The following KIAA1217 variants were observed in gnomAD, a reference collection of about 807,000 sequenced individuals.
KIAA1217 encodes KIAA1217.
Under a neutral mutation model 163.9 loss-of-function variants are expected in KIAA1217, and 88 were observed. The observed-to-expected ratio is 0.54, with a 90% CI of 0.45 to 0.64. KIAA1217 has a LOEUF of 0.64. KIAA1217 is among the 30% of genes least tolerant of loss of function. The pLI is 0.00. For synonymous variants in KIAA1217, 903 were observed against 923.1 expected (o/e 0.98, Z 0.39); for missense variants, 2,372 against 2,475.0 (o/e 0.96, Z 0.88).
chr10:23,837,667 A>T lies in KIAA1217; in HGVS notation c.-321+142433A>T, dbSNP rs186309127. Among the ~76,000 whole-genome samples, 31 of 152,166 alleles carry T rather than the reference A, an allele frequency of 2.0e-4. 1 individual carries two copies. The highest frequency in any genetic ancestry group is 5.3e-4 in the African/African-American group (22 of 41,544). On this transcript the variant is annotated intron_variant, in intron 1 of 18. Coordinates refer to the KIAA1217 transcript ENST00000376462. The stretch of plus-strand genomic sequence containing the variant: ...TCCCATCTCAGCCTCTCCAGTAGCT[A>T]GAACTACAGGCATGTGCCACTATGC...
chr10:24,122,330 T>C (rs891326678), intron 2 of KIAA1217, among the ~76,000 whole-genome samples: 2 of 152,188 alleles, frequency 1.3e-5, no homozygotes, highest in Non-Finnish European at 2.9e-5. Context: ...CATGCTTTCA[T>C]TCTTTTTTAT....
intron 1 of KIAA1217, among the ~76,000 whole-genome samples, chr10:23,922,653 A>C (rs2131294933): frequency 6.6e-6 from 1 of 152,306 alleles, no homozygotes; most frequent in South Asian, 2.1e-4. Context: ...TGGAAAATCC[A>C]CACATTTGGT....
At chr10:23,939,403 G>C (rs1288136336) in intron 1 of KIAA1217, among the ~76,000 whole-genome samples, 1 of 151,998 alleles carries the variant, frequency 6.6e-6, no homozygotes, top group Non-Finnish European at 1.5e-5. Context: ...TAAAAAGATA[G>C]AAAAAGGTCT....
intron 2 of KIAA1217, among the ~76,000 whole-genome samples, chr10:24,062,157 C>G (rs2131603603): frequency 6.6e-6 from 1 of 151,846 alleles, no homozygotes; most frequent in African/African-American, 2.4e-5. Context: ...TATTATTATA[C>G]TTTAAGCTTT....
At chr10:23,973,228 G>GA (rs1285026952) in intron 1 of KIAA1217, among the ~76,000 whole-genome samples, 2 of 151,942 alleles carry the variant, frequency 1.3e-5, no homozygotes, top group African/African-American at 2.4e-5. Context: ...GTTTAGGAGG[G>GA]AAAAAAATAG....
At chr10:23,975,405 G>A (rs7915067) in intron 1 of KIAA1217, among the ~76,000 whole-genome samples, 31,158 of 152,206 alleles carry the variant, frequency 0.2, 3,498 homozygotes, top group Middle Eastern at 0.3. Context: ...CCCAGCAGGA[G>A]CTTCTTCCAA....
At chr10:23,957,165 G>A (rs1353504770) in intron 1 of KIAA1217, among the ~76,000 whole-genome samples, 1 of 152,052 alleles carries the variant, frequency 6.6e-6, no homozygotes, top group Admixed American at 6.6e-5. Flanking sequence ...GCAGAACAAC[G>A]GAATCCACCT....
intron 1 of KIAA1217, among the ~76,000 whole-genome samples, chr10:23,758,623 A>G (rs376603235): frequency 1.4e-5 from 1 of 73,056 alleles, no homozygotes; most frequent in Admixed American, 1.5e-4. Flanking sequence ...TTTCTTTCTT[A>G]CTTTCTCTCT....
intron 6 of KIAA1217, among the ~76,000 whole-genome samples, chr10:24,484,338 G>A (rs1473981898): frequency 4.2e-5 from 6 of 142,158 alleles, no homozygotes; most frequent in South Asian, 2.3e-4. Context: ...TCCGCCTCCC[G>A]GGTTCAAACA....
intron 1 of KIAA1217, among the ~76,000 whole-genome samples, chr10:23,813,322 C>A (rs1009595583): frequency 6.6e-6 from 1 of 151,840 alleles, no homozygotes; most frequent in Non-Finnish European, 1.5e-5. Flanking sequence ...ATATAAAATT[C>A]TCTTATAAGG....
intron 2 of KIAA1217, among the ~76,000 whole-genome samples, chr10:24,009,381 A>AT (rs369494772): frequency 1.7e-4 from 25 of 148,654 alleles, no homozygotes; most frequent in East Asian, 1.2e-3. Flanking sequence ...ATCGACAGGG[A>AT]TTTTTTTTTT....
intron 3 of KIAA1217, among the ~76,000 whole-genome samples, chr10:24,424,760 G>A (rs1461023350): frequency 6.6e-6 from 1 of 152,086 alleles, no homozygotes; most frequent in Non-Finnish European, 1.5e-5. Context: ...ATGCCACCAT[G>A]CCCAGCTAAT....
At chr10:23,947,797 A>G (rs1844123743) in intron 1 of KIAA1217, among the ~76,000 whole-genome samples, 2 of 152,176 alleles carry the variant, frequency 1.3e-5, no homozygotes, top group African/African-American at 2.4e-5. Flanking sequence ...CAGACAGTAA[A>G]CAAGGTAAGT....
Position 24,436,534 on chromosome 10 carries a change from G to A in KIAA1217, c.753-1852G>A, listed in dbSNP as rs540913230. Among the ~76,000 whole-genome samples, 17 of 151,440 alleles carry A rather than the reference G, an allele frequency of 1.1e-4. 2 individuals are homozygous for A. Among genetic ancestry groups the A allele is most frequent in the Admixed American group, 2.6e-4 (4 of 15,246 alleles). ...AGCACTTTGGGAGGCCAAGGTGGGC[G>A]GATCACGAGGTCAGGAGATCGAGAC... On this transcript the variant is annotated intron_variant, in intron 4 of 20. Coordinates refer to ENST00000376454, the MANE Select transcript of KIAA1217 (RefSeq NM_019590.5).
chr10:24,176,857 C>T (rs1007033709), intron 2 of KIAA1217, among the ~76,000 whole-genome samples: 9 of 152,052 alleles, frequency 5.9e-5, no homozygotes, highest in South Asian at 2.1e-4. Context: ...CTGCAGGTCC[C>T]GAGCCCTGCC....
chr10:24,231,416 A>G (rs558571044), intron 2 of KIAA1217, among the ~76,000 whole-genome samples: 1 of 152,380 alleles, frequency 6.6e-6, no homozygotes, highest in South Asian at 2.1e-4. Context: ...CAAGCACTGC[A>G]CGTGAAAGGA....
chr10:24,494,561 C>T lies in KIAA1217; in HGVS notation c.1741C>T (p.Leu581Phe), dbSNP rs925473169. ...TTTAACTGGCCTTGTTCAGTCTGCG[C>T]TTTTTAAAGGGCCCATTACAAGTTA... ...ASLTGLVQSALFKGPITSYSK... is the reference protein window; with the variant it reads ...ASLTGLVQSAFFKGPITSYSK... The change falls in exon 7 of 21, where the codon CTT (leucine) becomes TTT (phenylalanine). Residue 581 changes from leucine (L) to phenylalanine (F), a missense_variant. Leu to Phe is a conservative substitution (Grantham distance 22, BLOSUM62 0). This residue lies in a region of KIAA1217 where 1,431 missense variants were observed against 1,470.3 expected (regional missense o/e 0.97). Coordinates refer to ENST00000376454, the MANE Select transcript of KIAA1217 (RefSeq NM_019590.5). 8.1e-6 allele frequency: 13 copies of T among 1,613,956 alleles called. No individual in the cohort carries two copies. Among genetic ancestry groups the T allele is most frequent in the Non-Finnish European group, 1.0e-5 (12 of 1,179,930 alleles).
chr10:24,499,849 C>T (rs2067295883), intron 8 of KIAA1217, among the ~76,000 whole-genome samples: 1 of 152,196 alleles, frequency 6.6e-6, no homozygotes, highest in African/African-American at 2.4e-5. Context: ...CCCAAGAGGG[C>T]CATTAGAGGG....
intron 2 of KIAA1217, among the ~76,000 whole-genome samples, chr10:24,285,956 C>T (rs1024634468): frequency 2.6e-5 from 4 of 151,606 alleles, no homozygotes; most frequent in Admixed American, 2.0e-4. Context: ...ATTTTATTAT[C>T]GTGTGTGTGT....
Sources: allele counts gnomAD v4.1 joint callset (sites outside exome capture counted in the v4.1 genomes callset), GRCh38; gene constraint gnomAD v4.1.1; regional missense constraint gnomAD v4.1.1; transcripts MANE v1.5; gene names NCBI Gene and HGNC (gene_info 2026-07-23, HGNC 2026-07-21).